The following CCDC171 variants were observed in gnomAD, a reference collection of about 807,000 sequenced individuals.
CCDC171 encodes coiled-coil domain-containing protein 171.
CCDC171 carries 177 observed loss-of-function variants against 168.2 expected under a neutral mutation model. That is an observed-to-expected ratio of 1.05 (90% CI 0.93 to 1.19). CCDC171 has a LOEUF of 1.19. Ranked by LOEUF, CCDC171 falls within the 50% of genes most tolerant of loss-of-function variation. CCDC171 has a pLI of 0.00. For synonymous variants in CCDC171, 687 were observed against 540.8 expected (o/e 1.27, Z -3.75); for missense variants, 1,991 against 1,539.0 (o/e 1.29, Z -4.91).
chr9:15,678,341 C>A (rs1201300722), intron 9 of CCDC171, among the ~76,000 whole-genome samples: 1 of 152,156 alleles, frequency 6.6e-6, no homozygotes, highest in East Asian at 1.9e-4. Context: ...GTTCTACTTG[C>A]ATGGACATTC....
At chr9:15,993,827 A>T (rs1007334480) in intron 3 of CCDC171, among the ~76,000 whole-genome samples, 1 of 152,226 alleles carries the variant, frequency 6.6e-6, no homozygotes, top group Non-Finnish European at 1.5e-5. Context: ...CAGCCAACAG[A>T]CGCATGAAAA....
intron 18 of CCDC171, among the ~76,000 whole-genome samples, chr9:15,750,167 A>G (rs1293706891): frequency 2.6e-5 from 4 of 152,138 alleles, no homozygotes; most frequent in South Asian, 2.1e-4. Context: ...AATACAGACT[A>G]CCATCAGAGA....
At chr9:15,889,596 C>A (rs1448701090) in intron 24 of CCDC171, among the ~76,000 whole-genome samples, 1 of 152,162 alleles carries the variant, frequency 6.6e-6, no homozygotes, top group Non-Finnish European at 1.5e-5. Flanking sequence ...CTTTATCTTG[C>A]TTGTGTATAG....
At chr9:15,577,519 T>A (rs2040764685) in intron 3 of CCDC171, among the ~76,000 whole-genome samples, 1 of 152,240 alleles carries the variant, frequency 6.6e-6, no homozygotes, top group African/African-American at 2.4e-5. Flanking sequence ...CAAAGAGGCT[T>A]TCACTGTGTT....
intron 21 of CCDC171, among the ~76,000 whole-genome samples, chr9:15,812,744 C>T (rs1360195239): frequency 6.6e-6 from 1 of 152,102 alleles, no homozygotes; most frequent in Non-Finnish European, 1.5e-5. Context: ...TGAGTTTTTG[C>T]CCAACAAGAT....
chr9:15,902,967 C>A (rs1015233431), intron 24 of CCDC171, among the ~76,000 whole-genome samples: 2 of 152,180 alleles, frequency 1.3e-5, no homozygotes, highest in Non-Finnish European at 2.9e-5. Context: ...AACTGCAAGG[C>A]GGCAGCGAGC....
Position 15,816,731 on chromosome 9 carries a change from G to A in CCDC171, c.3268-29971G>A. ...TGTGAATGTCAGAGAGATGAAACAA[G>A]GACAATCCTGAGCCACTGGGTGAAT... is the stretch of plus-strand genomic sequence containing the variant. On this transcript the variant is annotated intron_variant, in intron 21 of 25. Transcript: ENST00000380701. 1.7e-5 allele frequency among the ~76,000 whole-genome samples: 2 copies of A among 117,248 alleles called. 1 individual carries two copies. The highest frequency in any genetic ancestry group is 3.8e-5 in the Non-Finnish European group (2 of 52,538). 76.9% of individuals were successfully genotyped at this position (117,248 alleles called of 152,430 possible). A position where few individuals can be genotyped will look rare whatever the true frequency, so the allele number is the denominator to read the frequency against.
chr9:15,889,895 C>T (rs997432975), intron 24 of CCDC171, among the ~76,000 whole-genome samples: 1 of 152,218 alleles, frequency 6.6e-6, no homozygotes, highest in Non-Finnish European at 1.5e-5. Context: ...CTTGGTGGTT[C>T]GTATCCTGGA....
chr9:16,091,069 A>AC, the CCDC171 span, among the ~76,000 whole-genome samples: 9 of 151,976 alleles, frequency 5.9e-5, no homozygotes, highest in Non-Finnish European at 1.0e-4. Context: ...AGTGATGGTC[A>AC]CCCCCCACCC....
chr9:15,832,866 T>G (rs867103455), intron 21 of CCDC171, among the ~76,000 whole-genome samples: 2 of 152,112 alleles, frequency 1.3e-5, no homozygotes, highest in Non-Finnish European at 2.9e-5. Flanking sequence ...TTTTTTAACG[T>G]TTAAAACTTT....
At chr9:15,726,155 G>A (rs2053786265) in intron 14 of CCDC171, among the ~76,000 whole-genome samples, 1 of 152,034 alleles carries the variant, frequency 6.6e-6, no homozygotes. Context: ...TTTAAATTGT[G>A]TCCACATGAA....
intron 7 of CCDC171, among the ~76,000 whole-genome samples, chr9:15,652,449 C>CTT (rs796300179): frequency 2.1e-5 from 3 of 142,346 alleles, no homozygotes; most frequent in Non-Finnish European, 3.1e-5. Context: ...ATTATTGTAG[C>CTT]TTTTTTTTTT....
intron 4 of CCDC171, chr9:16,022,188 C>G (rs3124458): frequency 6.6e-6 from 1 of 152,078 alleles, no homozygotes; most frequent in Non-Finnish European, 1.5e-5. Flanking sequence ...ATATCCTAAC[C>G]GACATTGAAT....
At position 15,745,624 on chromosome 9, in the gene CCDC171, TA is replaced by T. The variant is rs765788368; in HGVS notation, c.2667del (p.Ala890GlnfsTer13). 9 of 1,564,856 alleles carry T rather than the reference TA, an allele frequency of 5.8e-6. No individual in the cohort carries two copies. Among genetic ancestry groups the T allele is most frequent in the Non-Finnish European group, 7.8e-6 (9 of 1,159,324 alleles). On this transcript the variant is annotated frameshift_variant, in exon 18 of 26. Coordinates refer to ENST00000380701, the MANE Select transcript of CCDC171 (RefSeq NM_173550.4). LOFTEE classifies it high-confidence loss of function. ...SMAELQDVIGKADPNSRICGH... is the reference protein window; with the variant it reads ...SMAELQDVIGXADPNSRICGH... ...TGGCTGAATTACAAGACGTCATTGG[TA>T]AAGCAGGTATGGTTCCTTCTTTTAT...
chr9:15,724,477 G>A (rs1465117783), intron 13 of CCDC171, among the ~76,000 whole-genome samples: 2 of 151,958 alleles, frequency 1.3e-5, no homozygotes, highest in African/African-American at 4.8e-5. Flanking sequence ...GAACTACAAC[G>A]TTGTTTTAAA....
intron 8 of CCDC171, among the ~76,000 whole-genome samples, chr9:15,660,668 C>T (rs2048245579): frequency 6.6e-6 from 1 of 152,150 alleles, no homozygotes; most frequent in African/African-American, 2.4e-5. Flanking sequence ...TTTTTTATGG[C>T]TGCGTAGTAA....
chr9:15,574,502 C>T (rs1257664399), intron 3 of CCDC171, among the ~76,000 whole-genome samples: 1 of 152,046 alleles, frequency 6.6e-6, no homozygotes, highest in African/African-American at 2.4e-5. Flanking sequence ...TGGTCGCGAA[C>T]TCCTGACCTC....
At chr9:15,966,176 A>G (rs1450556973) in intron 25 of CCDC171, among the ~76,000 whole-genome samples, 1 of 152,202 alleles carries the variant, frequency 6.6e-6, no homozygotes, top group African/African-American at 2.4e-5. Flanking sequence ...TGTAAAAATG[A>G]GATTGGATGT....
chr9:16,017,846 T>C (rs1348534006), intron 3 of CCDC171, among the ~76,000 whole-genome samples: 1 of 152,188 alleles, frequency 6.6e-6, no homozygotes, highest in Non-Finnish European at 1.5e-5. Context: ...AGCTTTGAGA[T>C]ATAACTTTAA....
Sources: allele counts gnomAD v4.1 joint callset (sites outside exome capture counted in the v4.1 genomes callset), GRCh38; gene constraint gnomAD v4.1.1; transcripts MANE v1.5; gene names NCBI Gene and HGNC (gene_info 2026-07-23, HGNC 2026-07-21).